Variants in SGSH observed in about 807,000 individuals in gnomAD.
SGSH encodes heparan sulfate sulfatase.
A neutral mutation model predicts 51.0 loss-of-function variants in SGSH; 48 were observed. That is an observed-to-expected ratio of 0.94 (90% CI 0.75 to 1.20). SGSH has a LOEUF of 1.20. SGSH is among the 50% of genes most tolerant of loss of function. The pLI, the probability that SGSH is intolerant of heterozygous loss-of-function variation, is 0.00. For missense variants in SGSH, 662 were observed against 717.8 expected, an observed-to-expected ratio of 0.92 and a Z score of 0.89; for synonymous variants, 321 against 313.4, an observed-to-expected ratio of 1.02 and a Z score of -0.26.
At position 80,210,630 on chromosome 17, in the gene SGSH, T is replaced by C; in HGVS notation, c.1331A>G (p.Asp444Gly). 6.2e-7 allele frequency: 1 copy of C among 1,613,502 alleles called. No individual in the cohort carries two copies. The highest frequency in any genetic ancestry group is 2.2e-5 in the East Asian group (1 of 44,862). Residue 444 changes from aspartate (D) to glycine (G), a missense_variant, in exon 8 of 8, where the codon GAC becomes GGC. By Grantham distance (94) the Asp-to-Gly change is moderately conservative (BLOSUM62 -1). Transcript: ENST00000326317. The stretch of plus-strand genomic sequence containing the variant: ...GGCCAGGTTCTGGGTCTCGTGGGGG[T>C]CCCGGCTCCGGTCGTAGAGCTCCCA... ...ARWELYDRSR[D>G]PHETQNLATD...
At chr17:80,201,718 G>C (rs1598692668), downstream of SGSH, 1 of 1,613,622 alleles carries the variant, frequency 6.2e-7, no homozygotes, top group South Asian at 1.1e-5. This position sits in a 1 kb window ranked among gnomAD's most constrained non-coding sequence, Gnocchi z 5.0. Context: ...GGGGGAAAGA[G>C]ACTGACCTTC....
chr17:80,204,900 T>C, downstream of SGSH: 1 of 738,174 alleles, frequency 1.4e-6, no homozygotes, highest in Non-Finnish European at 2.1e-6. Context: ...CTGTGACCGC[T>C]GAGCCTGTGC....
intron 5 of SGSH, 34 bp downstream of exon 5, chr17:80,214,138 C>G (rs781436148): frequency 6.3e-7 from 1 of 1,587,726 alleles, no homozygotes; most frequent in South Asian, 1.1e-5. Flanking sequence ...CCAGGGCTGA[C>G]GGGCGTCCTG....
rs1406777406 is a variant in SGSH at position 80,214,267 on chromosome 17, A to C, written c.568T>G (p.Tyr190Asp). 3 of 1,613,238 alleles carry C rather than the reference A, an allele frequency of 1.9e-6. No individual in the cohort carries two copies. Among genetic ancestry groups the C allele is most frequent in the Non-Finnish European group, 2.5e-6 (3 of 1,180,010 alleles). ...CCAAACTTCTCACAGAAGGTTCCGT[A>C]CTGGGGCTGGGAGTGCCCACAGCGG... The part of the protein sequence containing the change: ...PHRCGHSQPQ[Y>D]GTFCEKFGNG... Residue 190 changes from tyrosine to aspartate, a missense_variant, in exon 5 of 8, where the codon TAC (tyrosine) becomes GAC (aspartate). Physicochemically the swap from Tyr to Asp is radical, Grantham distance 160. Coordinates refer to ENST00000326317, the MANE Select transcript of SGSH (RefSeq NM_000199.5).
chr17:80,212,078 G>A lies in SGSH; in HGVS notation c.942C>T (p.Ser314=), dbSNP rs759810426. The change falls in exon 7 of 8, where the codon AGC becomes AGT. Residue 314 remains serine (S), a synonymous_variant. Transcript: ENST00000326317. This position sits in a 1 kb window ranked among gnomAD's most constrained non-coding sequence, Gnocchi z 5.9. ...AGACAGACAAAGGCATACCTAGGAG[G>A]CTCACGTAGGCCTCGCTGACTTGGC... ...RWGQVSEAYV[S]LLDLTPTILD... 20 of 1,613,196 alleles carry A rather than the reference G, an allele frequency of 1.2e-5. No homozygotes were observed. Among genetic ancestry groups the A allele is most frequent in the Non-Finnish European group, 1.7e-5 (20 of 1,179,870 alleles).
chr17:80,202,117 G>A, downstream of SGSH: 8 of 1,460,782 alleles, frequency 5.5e-6, no homozygotes, highest in Non-Finnish European at 7.6e-6. Context: ...TTAATTTTCT[G>A]CAACCTTCCT....
chr17:80,202,101 C>T, downstream of SGSH: 1 of 1,361,136 alleles, frequency 7.3e-7, no homozygotes, highest in Non-Finnish European at 1.0e-6. Flanking sequence ...TTCCTTCTCT[C>T]CTACTTTAAT....
At chr17:80,218,085 G>A (rs2041957986) in intron 1 of SGSH, among the ~76,000 whole-genome samples, 1 of 152,248 alleles carries the variant, frequency 6.6e-6, no homozygotes, top group South Asian at 2.1e-4. Flanking sequence ...CTACCTGGGT[G>A]GGCGTGTTAG....
chr17:80,214,369 T>A, intron 4 of SGSH, 41 bp from the exon 5 acceptor site: 1 of 1,599,592 alleles, frequency 6.3e-7, no homozygotes, highest in Non-Finnish European at 8.5e-7. Flanking sequence ...GCGGGGCCAC[T>A]GCCACGTGGC....
At chr17:80,204,370 C>A (rs375757170), downstream of SGSH, 4 of 1,524,318 alleles carry the variant, frequency 2.6e-6, no homozygotes, top group Non-Finnish European at 3.5e-6. Context: ...GCACAGGGGC[C>A]ACTGGCTCCA....
downstream of SGSH, chr17:80,207,235 C>T (rs527551322): frequency 1.7e-5 from 10 of 589,950 alleles, no homozygotes; most frequent in South Asian, 1.4e-4. Flanking sequence ...GGGACAAGGG[C>T]CCCGCTGATT....
rs983898758 is a variant in SGSH, at chr17:80,212,016, C to G, written c.949+55G>C. 6.8e-7 allele frequency: 1 copy of G among 1,460,424 alleles called. No homozygotes were observed. Among genetic ancestry groups the G allele is most frequent in the Non-Finnish European group, 9.6e-7 (1 of 1,043,324 alleles). The allele number at this position is 1,460,424 out of a possible 1,614,324, so 90.5% of individuals were successfully genotyped here. On this transcript the variant is annotated intron_variant, in intron 7 of 7. Transcript: ENST00000326317. This position sits in a 1 kb window ranked among gnomAD's most constrained non-coding sequence, Gnocchi z 5.9. ...TGGAGCAGCATCTGACAGGTCATGG[C>G]CCCGTCCCAGATCCACTCCCACACC...
At chr17:80,207,085 A>C, downstream of SGSH, 11 of 1,610,822 alleles carry the variant, frequency 6.8e-6, no homozygotes, top group Non-Finnish European at 9.3e-6. Flanking sequence ...AAGAAGCTCA[A>C]GTAGGTGCAC....
At chr17:80,214,478 G>T in intron 4 of SGSH, 137 bp downstream of exon 4, 1 of 1,293,676 alleles carries the variant, frequency 7.7e-7, no homozygotes, top group Non-Finnish European at 1.1e-6. Flanking sequence ...CCTCTGACCA[G>T]GCTAACTCGA....
At position 80,213,723 on chromosome 17, in the gene SGSH, CCGTGACCTAAGA is replaced by C; in HGVS notation, c.745+69_745+80del. ...CACTGGGACCCTCACCCACATTATG[CCGTGACCTAAGA>C]GGGCGCTGGCCCAGGATGGGGGACC... On this transcript the variant is annotated intron_variant, in intron 6 of 7. Transcript: ENST00000326317. This position sits in a 1 kb window ranked among gnomAD's most constrained non-coding sequence, Gnocchi z 4.6. 1.3e-5 allele frequency: 16 copies of C among 1,222,720 alleles called. No homozygotes were observed. Among genetic ancestry groups the C allele is most frequent in the Non-Finnish European group, 1.9e-5 (16 of 860,048 alleles). The allele number at this position is 1,222,720 out of a possible 1,614,324, so 75.7% of individuals were successfully genotyped here.
chr17:80,207,808 T>G (rs2041419747), downstream of SGSH: 1 of 287,168 alleles, frequency 3.5e-6, no homozygotes, highest in Non-Finnish European at 6.4e-6. Flanking sequence ...TCAGCTCCAC[T>G]GACCCTCCAC....
rs1428433449 is a variant in SGSH, at chr17:80,220,265, G to C, written c.49C>G (p.Leu17Val). The C allele has an allele frequency of 6.6e-7, 1 of 1,522,792 alleles. No homozygotes were observed. The highest frequency in any genetic ancestry group is 8.8e-7 in the Non-Finnish European group (1 of 1,141,946). 94.3% of individuals were successfully genotyped at this position (1,522,792 alleles called of 1,614,324 possible). A position where few individuals can be genotyped will look rare whatever the true frequency, so the allele number is the denominator to read the frequency against. The change falls in exon 1 of 8, where the codon CTC becomes GTC. Residue 17 changes from leucine to valine, a missense_variant. Coordinates refer to ENST00000326317, the MANE Select transcript of SGSH (RefSeq NM_000199.5). ...ACCALLLVLGLCRARPRNALL... is the reference protein window; with the variant it reads ...ACCALLLVLGVCRARPRNALL... ...GCGTTCCGGGGACGCGCCCGGCAGA[G>C]CCCCAGGACTAGCAGCAGCGCGCAG... is the stretch of plus-strand genomic sequence containing the variant.
downstream of SGSH, chr17:80,208,458 C>T (rs1020493694): frequency 5.4e-5 from 54 of 991,636 alleles, no homozygotes; most frequent in Non-Finnish European, 7.2e-5. Context: ...CACATGAGGC[C>T]GGCTCTCCCC....
downstream of SGSH, chr17:80,208,362 C>T: frequency 6.4e-7 from 1 of 1,568,978 alleles, no homozygotes; most frequent in Non-Finnish European, 8.7e-7. Context: ...GTGCCCCTTC[C>T]CGGGACTGTG....
Sources: allele counts gnomAD v4.1 joint callset (sites outside exome capture counted in the v4.1 genomes callset), GRCh38; gene constraint gnomAD v4.1.1; non-coding constraint Gnocchi (gnomAD v3.1); transcripts MANE v1.5; gene names NCBI Gene and HGNC (gene_info 2026-07-23, HGNC 2026-07-21).